Variants in MLLT3 observed in about 807,000 individuals in gnomAD.
MLLT3 encodes MLLT3 super elongation complex subunit, also known as protein AF-9.
Under a neutral mutation model 53.2 loss-of-function variants are expected in MLLT3, and 4 were observed. The ratio of observed to expected loss-of-function variants is 0.08; its 90% CI spans 0.04 to 0.17. The LOEUF (loss-of-function observed/expected upper bound fraction) is 0.17. Ranked by LOEUF, MLLT3 falls within the 10% of genes least tolerant of loss-of-function variation. MLLT3 has a pLI of 1.00. For missense variants in MLLT3, 569 were observed against 684.0 expected, an observed-to-expected ratio of 0.83 and a Z score of 1.87; for synonymous variants, 283 against 230.6, an observed-to-expected ratio of 1.23 and a Z score of -2.06.
chr9:20,502,974 G>C (rs1272175382), intron 2 of MLLT3, among the ~76,000 whole-genome samples: 4 of 152,034 alleles, frequency 2.6e-5, no homozygotes, highest in Non-Finnish European at 4.4e-5. Context: ...AGAACAGAAT[G>C]CTTAGGAAAA....
chr9:20,389,157 C>G (rs1423678704), intron 5 of MLLT3, among the ~76,000 whole-genome samples: 1 of 152,180 alleles, frequency 6.6e-6, no homozygotes, highest in Non-Finnish European at 1.5e-5. Flanking sequence ...TGTGGTATAT[C>G]CACACAATGG....
intron 5 of MLLT3, among the ~76,000 whole-genome samples, chr9:20,398,276 C>T (rs1399684479): frequency 6.6e-6 from 1 of 151,706 alleles, no homozygotes; most frequent in Non-Finnish European, 1.5e-5. Context: ...TTAGAGTCTC[C>T]CTTTGTTGTC....
intron 5 of MLLT3, among the ~76,000 whole-genome samples, chr9:20,382,042 G>A (rs956917546): frequency 6.6e-6 from 1 of 151,814 alleles, no homozygotes; most frequent in South Asian, 2.1e-4. Context: ...GAAGTCAGAG[G>A]AGAAGGGTAT....
At chr9:20,530,684 T>A (rs1353861850) in intron 2 of MLLT3, among the ~76,000 whole-genome samples, 1 of 152,208 alleles carries the variant, frequency 6.6e-6, no homozygotes, top group East Asian at 1.9e-4. Flanking sequence ...GCTTGCACAT[T>A]TTGGGTTTTG....
intron 8 of MLLT3, among the ~76,000 whole-genome samples, chr9:20,358,239 T>G (rs1284392276): frequency 6.6e-6 from 1 of 152,134 alleles, no homozygotes; most frequent in Non-Finnish European, 1.5e-5. Flanking sequence ...AAGAAACCTT[T>G]ACTTGTCCTC....
At chr9:20,381,976 T>G (rs1821919620) in intron 5 of MLLT3, among the ~76,000 whole-genome samples, 1 of 151,934 alleles carries the variant, frequency 6.6e-6, no homozygotes, top group African/African-American at 2.4e-5. Context: ...AATGCTTCTA[T>G]TTCTTTAACA....
Position 20,373,437 on chromosome 9 carries a change from C to T in MLLT3, c.1126-7693G>A, listed in dbSNP as rs532872641. Reference sequence around the variant, plus strand: ...TTTACAACTAGAAGTGTTTCAAAAGCGAGCACCTGTCAAGGTAGATCACAG... The same window carrying T: ...TTTACAACTAGAAGTGTTTCAAAAGTGAGCACCTGTCAAGGTAGATCACAG... On this transcript the variant is annotated intron_variant, in intron 5 of 10. Transcript: ENST00000380338. 9.9e-5 allele frequency among the ~76,000 whole-genome samples: 15 copies of T among 152,270 alleles called. No homozygotes were observed. In the South Asian group the frequency reaches 1.0e-3, roughly 11 times the overall value.
Position 20,531,631 on chromosome 9 carries a change from T to C in MLLT3, c.194-74845A>G, listed in dbSNP as rs139007779. ...ACTGTTTCTATTTCCACACTTTCAC[T>C]AGCAATATTAATTTCAACCAATTTC... On this transcript the variant is annotated intron_variant, in intron 2 of 10. Transcript: ENST00000380338. 1.5e-4 allele frequency among the ~76,000 whole-genome samples: 23 copies of C among 152,258 alleles called. No homozygotes were observed. In the East Asian group the frequency reaches 4.2e-3, roughly 28 times the overall value.
chr9:20,487,855 T>C (rs990551320), intron 2 of MLLT3, among the ~76,000 whole-genome samples: 11 of 152,262 alleles, frequency 7.2e-5, no homozygotes, highest in African/African-American at 2.6e-4. Flanking sequence ...ACTGAAATTA[T>C]ATAGTATTTG....
intron 10 of MLLT3, 45 bp from the exon 11 acceptor site, chr9:20,346,619 A>T: frequency 6.3e-7 from 1 of 1,592,076 alleles, no homozygotes; most frequent in Non-Finnish European, 8.6e-7. Context: ...CGCAGCAAAC[A>T]TCAAAAGGCA....
chr9:20,521,205 G>A (rs1007070629), intron 2 of MLLT3, among the ~76,000 whole-genome samples: 2 of 151,918 alleles, frequency 1.3e-5, no homozygotes, highest in African/African-American at 4.8e-5. Flanking sequence ...CTAGCAGCTG[G>A]GACTTCAGGT....
intron 3 of MLLT3, among the ~76,000 whole-genome samples, chr9:20,450,124 G>C (rs996727806): frequency 4.6e-5 from 7 of 152,152 alleles, no homozygotes; most frequent in African/African-American, 1.7e-4. Flanking sequence ...AATTCTAACT[G>C]CTTGCCAAGG....
At chr9:20,513,434 G>A (rs765834679) in intron 2 of MLLT3, among the ~76,000 whole-genome samples, 15 of 152,188 alleles carry the variant, frequency 9.9e-5, no homozygotes, top group South Asian at 4.1e-4. Context: ...CAATGCGGGC[G>A]AAAGACAAGA....
At chr9:20,472,301 T>C (rs1257854502) in intron 2 of MLLT3, among the ~76,000 whole-genome samples, 2 of 152,126 alleles carry the variant, frequency 1.3e-5, no homozygotes, top group East Asian at 3.8e-4. Flanking sequence ...TATTCTGAGA[T>C]GGTTCCAACC....
chr9:20,573,231 G>A (rs942689060), intron 2 of MLLT3, among the ~76,000 whole-genome samples: 8 of 149,692 alleles, frequency 5.3e-5, no homozygotes, highest in African/African-American at 2.0e-4. Context: ...CCCAGGCTGA[G>A]TGTAGTGGCG....
At chr9:20,370,708 G>A (rs1242594280) in intron 5 of MLLT3, among the ~76,000 whole-genome samples, 3 of 151,936 alleles carry the variant, frequency 2.0e-5, no homozygotes, top group South Asian at 4.2e-4. Flanking sequence ...ATGGGGTTTC[G>A]CCATGTTAGC....
Position 20,413,910 on chromosome 9 carries a change from G to A in MLLT3, c.936C>T (p.Ser312=), listed in dbSNP as rs372279496. ...SSEALFKSFS[S]APPLILTCSA... ...AACAAGTGAGTATCAGTGGTGGTGC[G>A]CTAGAAAAACTTTTAAATAAAGCCT... Residue 312 remains serine, a synonymous_variant, in exon 5 of 11, where the codon AGC becomes AGT. Transcript: ENST00000380338. 4.2e-5 allele frequency: 67 copies of A among 1,613,368 alleles called. No individual in the cohort carries two copies. The highest frequency in any genetic ancestry group is 6.6e-5 in the South Asian group (6 of 90,896).
intron 2 of MLLT3, among the ~76,000 whole-genome samples, chr9:20,584,276 T>G (rs993036510): frequency 2.0e-5 from 3 of 152,170 alleles, no homozygotes; most frequent in Non-Finnish European, 2.9e-5. Context: ...GCTATCAGCA[T>G]TTTCGTCAAA....
chr9:20,423,950 T>G (rs1823080235), intron 4 of MLLT3, among the ~76,000 whole-genome samples: 1 of 151,800 alleles, frequency 6.6e-6, no homozygotes, highest in African/African-American at 2.4e-5. Context: ...AAAGAAAATA[T>G]TTGGGGGAAA....
Sources: allele counts gnomAD v4.1 joint callset (sites outside exome capture counted in the v4.1 genomes callset), GRCh38; gene constraint gnomAD v4.1.1; transcripts MANE v1.5; gene names NCBI Gene and HGNC (gene_info 2026-07-23, HGNC 2026-07-21).